Variants in CSTPP1 observed in about 807,000 individuals in gnomAD.
CSTPP1 encodes the protein centriolar satellite-associated tubulin polyglutamylase complex regulator 1, also known as UPF0705 protein C11orf49.
At chr11:46,972,819 A>G in the CSTPP1 span, among the ~76,000 whole-genome samples, 2 of 152,208 alleles carry the variant, frequency 1.3e-5, no homozygotes, top group East Asian at 1.9e-4. Context: ...ATACCAAGAC[A>G]TTGATTTGTG....
chr11:47,054,226 G>T, the CSTPP1 span, among the ~76,000 whole-genome samples: 1 of 149,790 alleles, frequency 6.7e-6, no homozygotes, highest in Non-Finnish European at 1.5e-5. Flanking sequence ...CAGGAGAATG[G>T]TGTGAACCCA....
At chr11:46,953,107 C>T in the CSTPP1 span, among the ~76,000 whole-genome samples, 5 of 152,144 alleles carry the variant, frequency 3.3e-5, no homozygotes, top group Middle Eastern at 3.4e-3. Flanking sequence ...TACCAGATGC[C>T]TCAGAGAGGT....
At chr11:47,039,068 A>G in the CSTPP1 span, among the ~76,000 whole-genome samples, 15 of 116,874 alleles carry the variant, frequency 1.3e-4, 2 homozygotes, top group Non-Finnish European at 2.4e-4. Flanking sequence ...CTGGGCAGCC[A>G]GGCAGAGACG....
chr11:47,084,912 C>T, the CSTPP1 span, among the ~76,000 whole-genome samples: 4 of 152,020 alleles, frequency 2.6e-5, no homozygotes, highest in South Asian at 2.1e-4. Context: ...TCGCCGGGTG[C>T]GATGGATTAC....
chr11:47,068,260 A>C, the CSTPP1 span, among the ~76,000 whole-genome samples: 2 of 152,192 alleles, frequency 1.3e-5, no homozygotes, highest in Non-Finnish European at 2.9e-5. Context: ...GGCCAGGCAC[A>C]GTGGCTTATG....
the CSTPP1 span, among the ~76,000 whole-genome samples, chr11:47,002,563 G>A: frequency 1.3e-5 from 2 of 152,146 alleles, no homozygotes; most frequent in Non-Finnish European, 2.9e-5. Context: ...AGAAGTCAGA[G>A]TCAAAGGTTA....
chr11:47,161,147 G>C, the CSTPP1 span: 30 of 1,614,194 alleles, frequency 1.9e-5, 1 homozygote, highest in African/African-American at 3.9e-4. Flanking sequence ...TGACAAGGGG[G>C]ATCTGATGCA....
the CSTPP1 span, among the ~76,000 whole-genome samples, chr11:47,151,922 A>T: frequency 6.6e-6 from 1 of 151,794 alleles, no homozygotes; most frequent in South Asian, 2.1e-4. Flanking sequence ...AATAAGACCC[A>T]CCCGTAGGAC....
chr11:47,104,200 G>C, the CSTPP1 span, among the ~76,000 whole-genome samples: 936 of 152,218 alleles, frequency 6.1e-3, 6 homozygotes, highest in African/African-American at 0.02. Context: ...CCAATTCCCT[G>C]CCGATTGATT....
chr11:47,093,615 G>GT, the CSTPP1 span, among the ~76,000 whole-genome samples: 2 of 152,146 alleles, frequency 1.3e-5, no homozygotes, highest in African/African-American at 4.8e-5. Flanking sequence ...AAGAGCAGTG[G>GT]TTTTTGAGCC....
At chr11:47,127,725 A>G in the CSTPP1 span, among the ~76,000 whole-genome samples, 1 of 152,200 alleles carries the variant, frequency 6.6e-6, no homozygotes, top group South Asian at 2.1e-4. Flanking sequence ...AATCCTCTCA[A>G]AAATTCATGA....
At chr11:46,956,930 T>C in the CSTPP1 span, among the ~76,000 whole-genome samples, 5 of 151,388 alleles carry the variant, frequency 3.3e-5, no homozygotes, top group South Asian at 6.3e-4. Flanking sequence ...TATATATATA[T>C]ACACACAGTA....
chr11:47,043,921 C>G, the CSTPP1 span, among the ~76,000 whole-genome samples: 2,630 of 152,300 alleles, frequency 0.017, 71 homozygotes, highest in African/African-American at 0.06. Flanking sequence ...TATTCATTCT[C>G]TATTCTGTCT....
the CSTPP1 span, among the ~76,000 whole-genome samples, chr11:47,100,979 A>T: frequency 6.6e-6 from 1 of 151,378 alleles, no homozygotes; most frequent in African/African-American, 2.4e-5. Flanking sequence ...TAGAATAAAT[A>T]AGTCGTATTT....
At chr11:46,987,140 A>T in the CSTPP1 span, 1 of 1,483,616 alleles carries the variant, frequency 6.7e-7, no homozygotes, top group Non-Finnish European at 9.4e-7. Flanking sequence ...ACCTCCTACT[A>T]GGATTGGGAT....
At chr11:47,075,754 A>G in the CSTPP1 span, among the ~76,000 whole-genome samples, 1 of 151,896 alleles carries the variant, frequency 6.6e-6, no homozygotes, top group Non-Finnish European at 1.5e-5. Flanking sequence ...CCCCGTCTCT[A>G]CAAAAATACA....
chr11:47,053,526 C>T, the CSTPP1 span, among the ~76,000 whole-genome samples: 10 of 148,354 alleles, frequency 6.7e-5, no homozygotes, highest in East Asian at 2.0e-4. Flanking sequence ...GGCTGAGGAA[C>T]GAAAATCGTT....
the CSTPP1 span, among the ~76,000 whole-genome samples, chr11:46,966,162 C>T: frequency 1.9e-4 from 29 of 152,230 alleles, no homozygotes; most frequent in South Asian, 6.2e-4. Context: ...CCTGCCTCAG[C>T]CTCCCAAGTA....
At chr11:47,110,341 CT>C in the CSTPP1 span, among the ~76,000 whole-genome samples, 1 of 152,134 alleles carries the variant, frequency 6.6e-6, no homozygotes, top group Admixed American at 6.6e-5. Context: ...TTAAGAACTT[CT>C]AAAGCAAATA....
Sources: allele counts gnomAD v4.1 joint callset (sites outside exome capture counted in the v4.1 genomes callset), GRCh38; gene constraint gnomAD v4.1.1; transcripts MANE v1.5; gene names NCBI Gene and HGNC (gene_info 2026-07-23, HGNC 2026-07-21).